Variants in BTNL8 observed in about 807,000 individuals in gnomAD.
BTNL8 encodes butyrophilin like 8, also known as butyrophilin-like protein 8.
Under a neutral mutation model 36.1 loss-of-function variants are expected in BTNL8, and 22 were observed. The ratio of observed to expected loss-of-function variants is 0.61; its 90% confidence interval spans 0.44 to 0.87. The LOEUF is 0.87. Among genes scored for constraint, BTNL8 ranks in the 40% least tolerant of loss-of-function variants. BTNL8 has a pLI of 0.00. For synonymous variants in BTNL8, 203 were observed against 235.6 expected, an observed-to-expected ratio of 0.86 and a Z score of 1.27; for missense variants, 526 against 616.9, an observed-to-expected ratio of 0.85 and a Z score of 1.56.
In BTNL8 at chr5:180,927,036, T is replaced by A. The variant is rs1449755972; in HGVS notation, c.673+15422T>A. Among the ~76,000 whole-genome samples, 5 of 152,176 alleles carry A rather than the reference T, an allele frequency of 3.3e-5. No homozygotes were observed. In the East Asian group the frequency reaches 9.6e-4, roughly 29 times the overall value. On this transcript the variant is annotated intron_variant, in intron 3 of 7. Coordinates refer to ENST00000340184, the MANE Select transcript of BTNL8 (RefSeq NM_001040462.3). ...CTGTGCCTTTTGACTGAAAGACACC[T>A]CCCAGCAGGGGTCGACAGACGCCTC...
intron 3 of BTNL8, among the ~76,000 whole-genome samples, chr5:180,913,684 A>G (rs1461253045): frequency 2.0e-5 from 3 of 152,254 alleles, no homozygotes; most frequent in Non-Finnish European, 2.9e-5. Flanking sequence ...AGCATGGATC[A>G]AAATGTGGCC....
intron 2 of BTNL8, among the ~76,000 whole-genome samples, chr5:180,910,806 G>A (rs1279266609): frequency 6.6e-6 from 1 of 152,096 alleles, no homozygotes; most frequent in East Asian, 1.9e-4. Context: ...CTCCTCCTGA[G>A]CTCAGGATTC....
intron 3 of BTNL8, among the ~76,000 whole-genome samples, chr5:180,927,926 G>A (rs1003089499): frequency 6.6e-6 from 1 of 152,206 alleles, no homozygotes; most frequent in African/African-American, 2.4e-5. Context: ...TACTACCCAG[G>A]AGAACTTCCC....
rs2113027415 is a variant in BTNL8 at position 180,949,319 on chromosome 5, G to A, written c.862+54G>A. On this transcript the variant is annotated intron_variant, in intron 7 of 7. Transcript: ENST00000340184. ...GACAGAATCTCAGGTGGACATGAGA[G>A]GGGGAACTGAACAGGGACAGATACG... is the stretch of plus-strand genomic sequence containing the variant. The A allele has an allele frequency of 5.5e-6, 8 of 1,459,942 alleles. 1 individual carries two copies. In the East Asian group the frequency reaches 1.5e-4, roughly 27 times the overall value. 90.4% of individuals were successfully genotyped at this position (1,459,942 alleles called of 1,614,324 possible).
intron 3 of BTNL8, among the ~76,000 whole-genome samples, chr5:180,938,501 C>T (rs537248626): frequency 6.6e-6 from 1 of 151,700 alleles, no homozygotes; most frequent in East Asian, 1.9e-4. Flanking sequence ...AGACTAACAA[C>T]AGATTTCTTT....
intron 1 of BTNL8, chr5:180,902,460 CT>C (rs1756864858): frequency 9.4e-6 from 14 of 1,485,652 alleles, no homozygotes; most frequent in African/African-American, 1.4e-5. Context: ...ATGTTTCCCC[CT>C]GATGCACATC....
Position 180,899,208 on chromosome 5 carries a change from C to T in BTNL8, c.-103C>T, listed in dbSNP as rs1358269015. 27 of 1,421,528 alleles carry T rather than the reference C, an allele frequency of 1.9e-5. No homozygotes were observed. Among genetic ancestry groups the T allele is most frequent in the African/African-American group, 7.0e-5 (5 of 70,980 alleles). The allele number at this position is 1,421,528 out of a possible 1,614,324, so 88.1% of individuals were successfully genotyped here. On this transcript the variant is annotated 5_prime_UTR_variant, in exon 1 of 8. Coordinates refer to ENST00000340184, the MANE Select transcript of BTNL8 (RefSeq NM_001040462.3). Reference sequence around the variant, plus strand: ...TCACGCAGAGCCTCTCCGTGGCTTCCGCACCTTGAGCATTAGGCCAGTTCT... The same window carrying T: ...TCACGCAGAGCCTCTCCGTGGCTTCTGCACCTTGAGCATTAGGCCAGTTCT...
intron 3 of BTNL8, among the ~76,000 whole-genome samples, chr5:180,917,766 T>TCAC (rs879725841): frequency 0.24 from 35,890 of 151,786 alleles, 4,909 homozygotes; most frequent in Admixed American, 0.3. Context: ...TGGTGGCGGG[T>TCAC]GCCTGTAATC....
At position 180,949,730 on chromosome 5, in the gene BTNL8, C is replaced by T. The variant is rs1424335474; in HGVS notation, c.863-174C>T. 4.9e-6 allele frequency: 4 copies of T among 814,586 alleles called. 1 individual carries two copies. The East Asian group carries it at 1.1e-4, about 23-fold the overall frequency. The allele number at this position is 814,586 out of a possible 1,614,324, so 50.5% of individuals were successfully genotyped here. ...ACATATCTAGACATTGATGAGTCCT[C>T]CAGGCTGCACTGGTGATGAGAGGAC... On this transcript the variant is annotated intron_variant, in intron 7 of 7. Transcript: ENST00000340184.
intron 3 of BTNL8, among the ~76,000 whole-genome samples, chr5:180,937,942 T>A (rs76162786): frequency 4.7e-5 from 7 of 148,094 alleles, no homozygotes; most frequent in East Asian, 3.9e-4. Context: ...TTTCCCCATT[T>A]AAAAAAAAAA....
chr5:180,899,571 T>A (rs2619738), intron 1 of BTNL8, among the ~76,000 whole-genome samples: 73,956 of 152,058 alleles, frequency 0.49, 19,385 homozygotes, highest in African/African-American at 0.69. Context: ...CCGTGATCGT[T>A]GACGGGGACA....
At chr5:180,901,201 A>G (rs1305875745) in intron 1 of BTNL8, among the ~76,000 whole-genome samples, 1 of 152,270 alleles carries the variant, frequency 6.6e-6, no homozygotes, top group Non-Finnish European at 1.5e-5. Flanking sequence ...ATAAAATGTA[A>G]TTAAACTAAA....
At position 180,918,387 on chromosome 5, in the gene BTNL8, A is replaced by C. The variant is rs1305727749; in HGVS notation, c.673+6773A>C. Among the ~76,000 whole-genome samples the C allele has an allele frequency of 2.6e-5, 4 of 152,246 alleles. No homozygotes were observed. The East Asian group carries it at 7.7e-4, about 29-fold the overall frequency. On this transcript the variant is annotated intron_variant, in intron 3 of 7. Coordinates refer to ENST00000340184, the MANE Select transcript of BTNL8 (RefSeq NM_001040462.3). ...CAAATAAATAAATATAATATATGAC[A>C]TTAACAGAATGAAGAACAAATAATG...
rs1757414532 is a variant in BTNL8 at position 180,911,770 on chromosome 5, T to C, written c.673+156T>C. Among the ~76,000 whole-genome samples, 2 of 152,236 alleles carry C rather than the reference T, an allele frequency of 1.3e-5. 1 individual carries two copies. Among genetic ancestry groups the C allele is most frequent in the Admixed American group, 1.3e-4 (2 of 15,284 alleles). On this transcript the variant is annotated intron_variant, in intron 3 of 7. Transcript: ENST00000340184. ...AATCAATGAGATGTAAAAGTAAAGT[T>C]ATAAACATTTGGTTAGGTGGAAATA...
intron 2 of BTNL8, among the ~76,000 whole-genome samples, chr5:180,909,263 C>T (rs924356488): frequency 2.0e-5 from 3 of 152,172 alleles, no homozygotes; most frequent in African/African-American, 7.2e-5. Context: ...ATGTTACATA[C>T]ACAGCTTCAC....
chr5:180,928,883 C>A (rs1049213323), intron 3 of BTNL8, among the ~76,000 whole-genome samples: 1 of 152,208 alleles, frequency 6.6e-6, no homozygotes, highest in African/African-American at 2.4e-5. Flanking sequence ...TAACACCCAA[C>A]TGTCAGTATT....
At chr5:180,914,010 A>G (rs1396038161) in intron 3 of BTNL8, among the ~76,000 whole-genome samples, 3 of 152,228 alleles carry the variant, frequency 2.0e-5, no homozygotes, top group Non-Finnish European at 2.9e-5. Context: ...CAGACCATAA[A>G]TTAACTCTCA....
chr5:180,938,044 C>T (rs1002456936), intron 3 of BTNL8, among the ~76,000 whole-genome samples: 1 of 151,640 alleles, frequency 6.6e-6, no homozygotes, highest in South Asian at 2.1e-4. Context: ...AAAAACATTG[C>T]CATTTGATGG....
intron 3 of BTNL8, among the ~76,000 whole-genome samples, chr5:180,943,191 A>G (rs2113859046): frequency 6.8e-6 from 1 of 147,976 alleles, no homozygotes; most frequent in South Asian, 2.1e-4. Context: ...CTGCAGTGCA[A>G]TGGCGCAATC....
Sources: gnomAD v4.1 joint callset for allele counts (sites outside exome capture counted in the v4.1 genomes callset) on GRCh38, gnomAD v4.1.1 for gene constraint, MANE v1.5 for transcripts, NCBI Gene and HGNC (gene_info 2026-07-23, HGNC 2026-07-21) for gene names.